The following EDRF1 variants were observed in gnomAD, a reference collection of about 807,000 sequenced individuals.
EDRF1 encodes erythroid differentiation-related factor 1.
A neutral mutation model predicts 148.7 loss-of-function variants in EDRF1; 69 were observed. The observed-to-expected ratio is 0.46, with a 90% CI of 0.38 to 0.57. The LOEUF (loss-of-function observed/expected upper bound fraction) is 0.57. EDRF1 is among the 20% of genes least tolerant of loss of function. The pLI, the probability that EDRF1 is intolerant of heterozygous loss-of-function variation, is 0.00. For missense variants in EDRF1, 1,118 were observed against 1,478.7 expected (o/e 0.76, Z 4.00); for synonymous variants, 515 against 532.8 (o/e 0.97, Z 0.46).
chr10:125,746,003 T>C, intron 19 of EDRF1, 73 bp downstream of exon 19: 1 of 1,362,900 alleles, frequency 7.3e-7, no homozygotes, highest in South Asian at 1.2e-5. Context: ...CCAGTTTCAC[T>C]AAAATACTAT....
chr10:125,735,169 T>G (rs1848664594), intron 12 of EDRF1, among the ~76,000 whole-genome samples: 1 of 148,994 alleles, frequency 6.7e-6, no homozygotes, highest in Non-Finnish European at 1.5e-5. Flanking sequence ...GATATCAGAA[T>G]GGACTTTTCC....
Position 125,725,752 on chromosome 10 carries a change from C to G in EDRF1, c.706C>G (p.Gln236Glu). ...ACAGCAGGAATCGTCCAGTTCAGAT[C>G]AGACAAATGATTCGGAAGGGGCTTC... is the stretch of plus-strand genomic sequence containing the variant. ...AEQQESSSSDQTNDSEGASWP... is the reference protein window; with the variant it reads ...AEQQESSSSDETNDSEGASWP... The change falls in exon 6 of 25, where the codon CAG (glutamine) becomes GAG (glutamate). Residue 236 changes from glutamine (Q) to glutamate (E), a missense_variant. Coordinates refer to ENST00000356792, the MANE Select transcript of EDRF1 (RefSeq NM_001202438.2). 1.2e-6 allele frequency: 2 copies of G among 1,614,128 alleles called. No homozygotes were observed. Among genetic ancestry groups the G allele is most frequent in the Non-Finnish European group, 1.7e-6 (2 of 1,180,026 alleles).
intron 15 of EDRF1, among the ~76,000 whole-genome samples, chr10:125,739,753 C>A (rs1179805227): frequency 6.6e-6 from 1 of 152,156 alleles, no homozygotes; most frequent in Non-Finnish European, 1.5e-5. Context: ...CAAAATTTTC[C>A]ACAGTATTTT....
rs574258706 is a variant in EDRF1 at position 125,747,520 on chromosome 10, G to A, written c.2815-16G>A. 5 of 1,613,936 alleles carry A rather than the reference G, an allele frequency of 3.1e-6. No individual in the cohort carries two copies. Among genetic ancestry groups the A allele is most frequent in the Non-Finnish European group, 4.2e-6 (5 of 1,179,946 alleles). ...TTAAGCTGAGTCAGAAATGTACACTGTTTTCTCCTTTGCAGGCTATTGATT... is the reference window on the plus strand; with the variant it reads ...TTAAGCTGAGTCAGAAATGTACACTATTTTCTCCTTTGCAGGCTATTGATT... On this transcript the variant is annotated splice_polypyrimidine_tract_variant and intron_variant, in intron 19 of 24. Coordinates refer to ENST00000356792, the MANE Select transcript of EDRF1 (RefSeq NM_001202438.2).
At chr10:125,751,708 C>T (rs891172926) in intron 22 of EDRF1, among the ~76,000 whole-genome samples, 4 of 152,204 alleles carry the variant, frequency 2.6e-5, no homozygotes, top group Admixed American at 6.5e-5. Flanking sequence ...CGGCGGTCTC[C>T]AAGACCACCC....
At chr10:125,729,287 T>G (rs905681001) in intron 7 of EDRF1, 71 bp from the exon 8 acceptor site, 14 of 1,578,682 alleles carry the variant, frequency 8.9e-6, no homozygotes, top group Non-Finnish European at 1.1e-5. Context: ...CTTTTTCTAG[T>G]CTTTTTATGG....
chr10:125,758,567 G>A (rs1477870835), intron 24 of EDRF1, among the ~76,000 whole-genome samples: 2 of 151,956 alleles, frequency 1.3e-5, no homozygotes, highest in Non-Finnish European at 2.9e-5. Flanking sequence ...TTTTTATTGC[G>A]ATGGTTACCT....
chr10:125,724,602 T>C (rs1456519652), intron 4 of EDRF1, among the ~76,000 whole-genome samples: 2 of 152,246 alleles, frequency 1.3e-5, no homozygotes, highest in African/African-American at 4.8e-5. Flanking sequence ...TCTCAGAATA[T>C]ATCCCCATTG....
chr10:125,727,894 T>G (rs965825002), intron 6 of EDRF1, among the ~76,000 whole-genome samples: 1 of 152,070 alleles, frequency 6.6e-6, no homozygotes, highest in Non-Finnish European at 1.5e-5. Flanking sequence ...AGGGCCCAAG[T>G]GTATTCCAAA....
intron 24 of EDRF1, among the ~76,000 whole-genome samples, chr10:125,758,504 T>C (rs191636330): frequency 3.3e-3 from 499 of 152,254 alleles, no homozygotes; most frequent in African/African-American, 0.011. Flanking sequence ...ACGGCTTTAG[T>C]GTGGGAAGTG....
rs140023483 is a variant in EDRF1, at chr10:125,763,523, C to T, written c.*51C>T. On this transcript the variant is annotated 3_prime_UTR_variant, in exon 25 of 25. Coordinates refer to ENST00000356792, the MANE Select transcript of EDRF1 (RefSeq NM_001202438.2). This position sits in a 1 kb window ranked among gnomAD's most constrained non-coding sequence, Gnocchi z 4.3. ...GCTGTCAGTGCCTTCAACACGGAGCCGGTTTGTTCATTCGGTGCTTTGTTT... is the reference window on the plus strand; with the variant it reads ...GCTGTCAGTGCCTTCAACACGGAGCTGGTTTGTTCATTCGGTGCTTTGTTT... 1.7e-4 allele frequency: 264 copies of T among 1,573,324 alleles called. No individual in the cohort carries two copies. In the African/African-American group the frequency reaches 3.2e-3, roughly 19 times the overall value.
rs374910582 is a variant in EDRF1, at chr10:125,747,941, C to G, written c.3052C>G (p.Leu1018Val). 8 of 1,614,076 alleles carry G rather than the reference C, an allele frequency of 5.0e-6. No homozygotes were observed. In the African/African-American group the frequency reaches 9.3e-5, roughly 19 times the overall value. The change falls in exon 21 of 25, where the codon CTT (leucine) becomes GTT (valine). Residue 1018 changes from leucine (L) to valine (V), a missense_variant. Around this residue, in one of 3 missense-constraint regions of EDRF1, gnomAD observed 954 missense variants for 1,241.4 expected, o/e 0.77. Coordinates refer to ENST00000356792, the MANE Select transcript of EDRF1 (RefSeq NM_001202438.2). ...GGATTCAGTGTCTGCTCGACAGCCC[C>G]TTTGTCAGTATCGAGCTGCAACCAT... is the stretch of plus-strand genomic sequence containing the variant. ...DVDSVSARQP[L>V]CQYRAATIHH...
intron 15 of EDRF1, among the ~76,000 whole-genome samples, chr10:125,738,762 T>C (rs1203687661): frequency 1.3e-5 from 2 of 152,222 alleles, no homozygotes; most frequent in Non-Finnish European, 2.9e-5. Flanking sequence ...CCTAACTTCA[T>C]ATCTTGGCTT....
chr10:125,728,191 C>CAAAAA (rs36039615), intron 6 of EDRF1, among the ~76,000 whole-genome samples: 1 of 128,914 alleles, frequency 7.8e-6, no homozygotes. Context: ...AACTCTGTCT[C>CAAAAA]AAAAAAAAAA....
chr10:125,746,265 A>G (rs4962487), intron 19 of EDRF1, among the ~76,000 whole-genome samples: 136,217 of 152,280 alleles, frequency 0.89, 60,990 homozygotes, highest in East Asian at 0.96. Flanking sequence ...GATAGGTTAC[A>G]GAAAGACTTT....
At chr10:125,745,458 A>G (rs1849300109) in intron 18 of EDRF1, 2 of 540,448 alleles carry the variant, frequency 3.7e-6, no homozygotes, top group Non-Finnish European at 6.7e-6. Context: ...ACGTCTTTAA[A>G]GGACCTGTCC....
chr10:125,724,084 C>T lies in EDRF1; in HGVS notation c.510+148C>T, dbSNP rs1294107013. 3.4e-6 allele frequency: 3 copies of T among 889,378 alleles called. No homozygotes were observed. In the East Asian group the frequency reaches 8.6e-5, roughly 26 times the overall value. 55.1% of individuals were successfully genotyped at this position (889,378 alleles called of 1,614,324 possible). On this transcript the variant is annotated intron_variant, in intron 4 of 24. Coordinates refer to ENST00000356792, the MANE Select transcript of EDRF1 (RefSeq NM_001202438.2). ...GAAAGTTTCACTGAAGATAGAAAAG[C>T]TTGAATGAAGAAAAAAGAAGAGAAT...
chr10:125,744,639 G>A (rs1019436474), intron 18 of EDRF1: 2 of 152,290 alleles, frequency 1.3e-5, no homozygotes, highest in African/African-American at 4.8e-5. Flanking sequence ...AGGAAGCTAG[G>A]GAAATTGGAT....
intron 12 of EDRF1, 131 bp downstream of exon 12, chr10:125,734,314 T>C: frequency 2.7e-6 from 2 of 730,568 alleles, no homozygotes; most frequent in Non-Finnish European, 4.9e-6. Flanking sequence ...TTAGCACATG[T>C]GGCTGTTGAT....
Sources: gnomAD v4.1 joint callset for allele counts (sites outside exome capture counted in the v4.1 genomes callset) on GRCh38, gnomAD v4.1.1 for gene constraint, gnomAD v4.1.1 regional missense constraint, Gnocchi (gnomAD v3.1) non-coding constraint, MANE v1.5 for transcripts, NCBI Gene and HGNC (gene_info 2026-07-23, HGNC 2026-07-21) for gene names.